The following TBC1D5 variants were observed in gnomAD, a reference collection of about 807,000 sequenced individuals.
The protein encoded by TBC1D5 is TBC1 domain family, member 5.
In TBC1D5, 75 loss-of-function variants were observed where a neutral mutation model predicts 100.3. The observed-to-expected ratio is 0.75, with a 90% confidence interval of 0.62 to 0.91. The LOEUF is 0.91. Ranked by LOEUF, TBC1D5 falls within the 40% of genes least tolerant of loss-of-function variation. The probability of loss-of-function intolerance (pLI) is 0.00; values close to 1 mark genes in which losing one functional copy is unlikely to be tolerated. For missense variants in TBC1D5, 910 were observed against 942.4 expected (o/e 0.97, Z 0.45); for synonymous variants, 323 against 325.6 (o/e 0.99, Z 0.09).
At chr3:17,658,480 G>C (rs1352506088) in intron 1 of TBC1D5, among the ~76,000 whole-genome samples, 1 of 152,060 alleles carries the variant, frequency 6.6e-6, no homozygotes, top group Non-Finnish European at 1.5e-5. Flanking sequence ...AATAGGGGAA[G>C]GGAAGGGTAT....
chr3:17,396,811 T>C (rs2093518928), intron 8 of TBC1D5, among the ~76,000 whole-genome samples: 1 of 152,072 alleles, frequency 6.6e-6, no homozygotes, highest in South Asian at 2.1e-4. Flanking sequence ...ATCTAAAAGT[T>C]CAACATGAAT....
chr3:17,455,470 GTA>G (rs1170493309), intron 3 of TBC1D5, among the ~76,000 whole-genome samples: 20 of 143,728 alleles, frequency 1.4e-4, no homozygotes, highest in Middle Eastern at 3.6e-3. Flanking sequence ...ATATATATGT[GTA>G]TATATATGTA....
At chr3:17,177,162 G>C (rs1187248006) in intron 19 of TBC1D5, among the ~76,000 whole-genome samples, 1 of 152,154 alleles carries the variant, frequency 6.6e-6, no homozygotes, top group East Asian at 1.9e-4. Flanking sequence ...CTGTGGAAAA[G>C]CACATAAGAA....
At chr3:17,380,833 T>C (rs1426750836) in intron 9 of TBC1D5, among the ~76,000 whole-genome samples, 1 of 152,114 alleles carries the variant, frequency 6.6e-6, no homozygotes, top group African/African-American at 2.4e-5. Context: ...GCAATTTCAA[T>C]TAACTCAGCA....
At chr3:17,540,422 T>C (rs900596305) in intron 2 of TBC1D5, among the ~76,000 whole-genome samples, 13 of 152,208 alleles carry the variant, frequency 8.5e-5, no homozygotes, top group African/African-American at 3.1e-4. Flanking sequence ...AGTTTTTTCC[T>C]TATTTTCTTC....
intron 1 of TBC1D5, among the ~76,000 whole-genome samples, chr3:17,676,128 A>T (rs1031934841): frequency 5.9e-5 from 9 of 152,168 alleles, no homozygotes; most frequent in African/African-American, 2.2e-4. Context: ...TATTTTACTA[A>T]AAGAAATAAA....
intron 3 of TBC1D5, among the ~76,000 whole-genome samples, chr3:17,430,638 A>G (rs1346144405): frequency 6.6e-6 from 1 of 151,922 alleles, no homozygotes; most frequent in Non-Finnish European, 1.5e-5. Context: ...TAAAGTTTTG[A>G]AGCGGGAAAA....
chr3:17,431,551 A>G (rs2094448161), intron 3 of TBC1D5, among the ~76,000 whole-genome samples: 1 of 152,024 alleles, frequency 6.6e-6, no homozygotes, highest in Non-Finnish European at 1.5e-5. Context: ...TGTACAACAT[A>G]TATCTATAAG....
chr3:17,277,893 T>A (rs953649550), intron 15 of TBC1D5, among the ~76,000 whole-genome samples: 12 of 152,106 alleles, frequency 7.9e-5, no homozygotes, highest in African/African-American at 2.9e-4. Flanking sequence ...CAGGAGGAAA[T>A]GAGAGTATTA....
intron 17 of TBC1D5, among the ~76,000 whole-genome samples, chr3:17,227,820 C>A (rs932926991): frequency 6.6e-6 from 1 of 151,418 alleles, no homozygotes; most frequent in Non-Finnish European, 1.5e-5. Context: ...ATATAACAAG[C>A]CTGCACATGT....
chr3:17,640,624 G>A (rs1300536121), intron 1 of TBC1D5, among the ~76,000 whole-genome samples: 1 of 152,012 alleles, frequency 6.6e-6, no homozygotes, highest in Non-Finnish European at 1.5e-5. Flanking sequence ...GATTTCTGCA[G>A]TGGAAACAAA....
chr3:17,589,995 T>A (rs1479099950), intron 2 of TBC1D5, among the ~76,000 whole-genome samples: 1 of 152,230 alleles, frequency 6.6e-6, no homozygotes, highest in East Asian at 1.9e-4. Context: ...GTATGGGAAG[T>A]ATTCCAGTAT....
At chr3:17,157,264 T>C (rs1575648305) in exon 22 of TBC1D5, 1 of 152,210 alleles carries the variant, frequency 6.6e-6, no homozygotes, top group Non-Finnish European at 1.5e-5. Context: ...AGCATAAAGA[T>C]GGATGAGAAA....
intron 20 of TBC1D5, 110 bp downstream of exon 21, chr3:17,167,639 A>T: frequency 1.1e-6 from 1 of 913,050 alleles, no homozygotes; most frequent in Non-Finnish European, 1.7e-6. Flanking sequence ...TCTGGGAGGA[A>T]ATGAGGGTTA....
intron 2 of TBC1D5, among the ~76,000 whole-genome samples, chr3:17,513,391 T>C (rs1459203525): frequency 6.6e-6 from 1 of 152,054 alleles, no homozygotes; most frequent in Non-Finnish European, 1.5e-5. Context: ...TCTCAAACTA[T>C]GAGCATTGAA....
chr3:17,408,116 CTAGT>C (rs1263445464), intron 4 of TBC1D5, among the ~76,000 whole-genome samples: 7 of 152,008 alleles, frequency 4.6e-5, no homozygotes, highest in Non-Finnish European at 1.0e-4. Flanking sequence ...ACACAGCTCA[CTAGT>C]TACTTACTAG....
chr3:17,171,620 T>C (rs2125228667), intron 19 of TBC1D5, among the ~76,000 whole-genome samples: 1 of 152,246 alleles, frequency 6.6e-6, no homozygotes, highest in South Asian at 2.1e-4. Flanking sequence ...ATGTCTGTTA[T>C]CGAAATTCCC....
intron 17 of TBC1D5, among the ~76,000 whole-genome samples, chr3:17,223,035 AT>A (rs1018307138): frequency 6.6e-6 from 1 of 152,028 alleles, no homozygotes; most frequent in Non-Finnish European, 1.5e-5. Context: ...TGTCTTGAAT[AT>A]TTTCTGAAGG....
chr3:17,654,300 ACCTT>A (rs2065853761), intron 1 of TBC1D5, among the ~76,000 whole-genome samples: 2 of 152,158 alleles, frequency 1.3e-5, no homozygotes, highest in South Asian at 4.1e-4. Context: ...TAAATCTGTA[ACCTT>A]CTTCTTAGAC....
Sources: allele counts gnomAD v4.1 joint callset (sites outside exome capture counted in the v4.1 genomes callset), GRCh38; gene constraint gnomAD v4.1.1; transcripts MANE v1.5; gene names NCBI Gene and HGNC (gene_info 2026-07-23, HGNC 2026-07-21).